OXNAD1: variants seen among roughly 807,000 people sequenced by gnomAD.
OXNAD1 encodes oxidoreductase NAD-binding domain-containing protein 1.
Under a neutral mutation model 32.9 loss-of-function variants are expected in OXNAD1, and 34 were observed. The observed-to-expected ratio is 1.03, with a 90% CI of 0.79 to 1.38. The LOEUF (loss-of-function observed/expected upper bound fraction) is 1.38, where lower values mean the gene tolerates loss of function less well. Among genes scored for constraint, OXNAD1 ranks in the 40% most tolerant of loss-of-function variants. The pLI, the probability that OXNAD1 is intolerant of heterozygous loss-of-function variation, is 0.00. For missense variants in OXNAD1, 407 were observed against 379.4 expected (o/e 1.07, Z -0.60); for synonymous variants, 134 against 135.2 (o/e 0.99, Z 0.06).
intron 9 of OXNAD1, among the ~76,000 whole-genome samples, chr3:16,319,053 C>T (rs910772026): frequency 2.0e-5 from 3 of 152,162 alleles, no homozygotes; most frequent in Admixed American, 6.5e-5. Flanking sequence ...TTCCAGGCAC[C>T]GTGTTATGGT....
chr3:16,282,907 G>C (rs1347646387), intron 4 of OXNAD1, among the ~76,000 whole-genome samples: 1 of 143,260 alleles, frequency 7.0e-6, no homozygotes, highest in Non-Finnish European at 1.5e-5. Flanking sequence ...AGTGAGGTTG[G>C]AACATTAGGA....
At chr3:16,313,204 G>GTTTTTTTTTTTTTTTT (rs2068092292) in intron 9 of OXNAD1, among the ~76,000 whole-genome samples, 3 of 96,172 alleles carry the variant, frequency 3.1e-5, no homozygotes, top group East Asian at 2.5e-4. Flanking sequence ...ACACCCAGCG[G>GTTTTTTTTTTTTTTTT]ATTTTTTTTT....
downstream of OXNAD1, chr3:16,339,973 T>C (rs1468858215): frequency 6.6e-6 from 1 of 152,202 alleles, no homozygotes; most frequent in Non-Finnish European, 1.5e-5. Flanking sequence ...CCACCAAAAA[T>C]GTGAATTAAT....
chr3:16,334,784 G>C lies in OXNAD1; in HGVS notation c.*31-2328G>C, dbSNP rs2070688576. On this transcript the variant is annotated intron_variant, in intron 9 of 9. Transcript: ENST00000435829. This position sits in a 1 kb window ranked among gnomAD's most constrained non-coding sequence, Gnocchi z 4.3. ...AAAATGTTCCCTTCGCATGGTAAAG[G>C]GATGTGGCAGATATGATTAAGCTAA... 6.6e-6 allele frequency among the ~76,000 whole-genome samples: 1 copy of C among 152,214 alleles called. No individual in the cohort carries two copies. The highest frequency in any genetic ancestry group is 2.1e-4 in the South Asian group (1 of 4,830).
In OXNAD1 at chr3:16,265,948, CA is replaced by C; in HGVS notation, c.-159+444del. The C allele has an allele frequency of 1.0e-6, 1 of 963,940 alleles. No homozygotes were observed. Among genetic ancestry groups the C allele is most frequent in the Non-Finnish European group, 1.2e-6 (1 of 810,440 alleles). 59.7% of individuals were successfully genotyped at this position (963,940 alleles called of 1,614,324 possible). On this transcript the variant is annotated intron_variant, in intron 1 of 8. Coordinates refer to ENST00000285083, the MANE Select transcript of OXNAD1 (RefSeq NM_138381.5). This position sits in a 1 kb window ranked among gnomAD's most constrained non-coding sequence, Gnocchi z 4.8. ...CCTATGTATGCCTTGAAGCGAAATG[CA>C]GATAAAAGGCATTTTTGTCTTGAAA...
chr3:16,272,194 G>A (rs1403532492), intron 4 of OXNAD1: 1 of 451,922 alleles, frequency 2.2e-6, no homozygotes, highest in Admixed American at 2.4e-5. Flanking sequence ...AGAAAGGAAA[G>A]TGGACGAGCT....
In OXNAD1 at chr3:16,271,338, G is replaced by A. The variant is rs141845310; in HGVS notation, c.119+267G>A. 8.3e-4 allele frequency: 439 copies of A among 531,852 alleles called. 3 individuals carry two copies. The highest frequency in any genetic ancestry group is 7.4e-3 in the African/African-American group (382 of 51,504). The allele number at this position is 531,852 out of a possible 1,614,324, so 32.9% of individuals were successfully genotyped here. A position where few individuals can be genotyped will look rare whatever the true frequency, so the allele number is the denominator to read the frequency against. On this transcript the variant is annotated intron_variant, in intron 3 of 8. Coordinates refer to ENST00000285083, the MANE Select transcript of OXNAD1 (RefSeq NM_138381.5). This position sits in a 1 kb window ranked among gnomAD's most constrained non-coding sequence, Gnocchi z 4.6. ...CCTGTCTTAGCCTCCCGAGTAGCTG[G>A]GATTACAGGCGTGCACCACCACACC...
chr3:16,282,753 CAA>C (rs936461080), intron 4 of OXNAD1, among the ~76,000 whole-genome samples: 13 of 142,242 alleles, frequency 9.1e-5, no homozygotes, highest in African/African-American at 3.4e-4. Context: ...CCAGTTTGGC[CAA>C]AAAACCACAA....
intron 5 of OXNAD1, among the ~76,000 whole-genome samples, chr3:16,292,759 G>A (rs1214915520): frequency 6.6e-6 from 1 of 152,186 alleles, no homozygotes; most frequent in Non-Finnish European, 1.5e-5. Flanking sequence ...AGTTCTCCCA[G>A]TGCCACTGTT....
At chr3:16,339,097 C>T (rs1278498139), downstream of OXNAD1, among the ~76,000 whole-genome samples, 2 of 152,232 alleles carry the variant, frequency 1.3e-5, no homozygotes, top group African/African-American at 2.4e-5. Flanking sequence ...TGGGCTGTCA[C>T]AGTCTTGACT....
chr3:16,341,800 CAG>C (rs1385893187), downstream of OXNAD1, among the ~76,000 whole-genome samples: 13 of 152,204 alleles, frequency 8.5e-5, 1 homozygote, highest in East Asian at 2.3e-3. This position sits in a 1 kb window ranked among gnomAD's most constrained non-coding sequence, Gnocchi z 4.7. Flanking sequence ...AGCCTAATAA[CAG>C]AAACATTTTC....
chr3:16,272,371 G>C (rs842260), intron 4 of OXNAD1: 2 of 227,624 alleles, frequency 8.8e-6, no homozygotes, highest in Middle Eastern at 5.1e-4. Context: ...ATTTGATTTT[G>C]CTTTTTTGAA....
At position 16,320,110 on chromosome 3, in the gene OXNAD1, A is replaced by G. The variant is rs191140901; in HGVS notation, c.*30+16518A>G. Among the ~76,000 whole-genome samples, 677 of 152,384 alleles carry G rather than the reference A, an allele frequency of 4.4e-3. 2 individuals are homozygous for G. The highest frequency in any genetic ancestry group is 0.015 in the African/African-American group (636 of 41,592). On this transcript the variant is annotated intron_variant, in intron 9 of 9. Coordinates refer to the OXNAD1 transcript ENST00000435829. The surrounding 1 kb of genome is among the most constrained non-coding windows in gnomAD (Gnocchi z 4.5). ...CAGTGTGTGTCCAGAGTTCCATGTC[A>G]GCAGGAGCCAATGGATTTAATTTGC...
At chr3:16,338,551 A>T (rs1015235344), downstream of OXNAD1, among the ~76,000 whole-genome samples, 23 of 152,248 alleles carry the variant, frequency 1.5e-4, no homozygotes, top group African/African-American at 4.8e-4. The surrounding 1 kb of genome is among the most constrained non-coding windows in gnomAD (Gnocchi z 5.3). Context: ...AGGCCAACTT[A>T]GAAATAGCTT....
chr3:16,347,291 T>G lies in OXNAD1; in HGVS notation c.*31-1885T>G, dbSNP rs892523152. The stretch of plus-strand genomic sequence containing the variant: ...TGGAGAGACGTCCATGCATGTTATA[T>G]CCATTTTCTAGGGGGGGCTATAACA... On this transcript the variant is annotated intron_variant, in intron 9 of 9. Coordinates refer to the OXNAD1 transcript ENST00000606098. Among the ~76,000 whole-genome samples, 5 of 152,328 alleles carry G rather than the reference T, an allele frequency of 3.3e-5. No individual in the cohort carries two copies. In the South Asian group the frequency reaches 1.0e-3, roughly 32 times the overall value.
chr3:16,278,139 G>A (rs2065478251), intron 4 of OXNAD1, among the ~76,000 whole-genome samples: 1 of 152,102 alleles, frequency 6.6e-6, no homozygotes, highest in African/African-American at 2.4e-5. Flanking sequence ...TGTTCATTTG[G>A]AAATGTGCCA....
Position 16,321,488 on chromosome 3 carries a change from G to C in OXNAD1, c.*31-15624G>C, listed in dbSNP as rs964665232. Among the ~76,000 whole-genome samples, 1 of 152,172 alleles carries C rather than the reference G, an allele frequency of 6.6e-6. No individual in the cohort carries two copies. The highest frequency in any genetic ancestry group is 2.4e-5 in the African/African-American group (1 of 41,424). On this transcript the variant is annotated intron_variant, in intron 9 of 9. Transcript: ENST00000435829. The surrounding 1 kb of genome is among the most constrained non-coding windows in gnomAD (Gnocchi z 4.8). ...ATGGAGTGACTCTCGGTCACCAGGG[G>C]ACACAGGCCTGTGGGAGTAGGACGC...
chr3:16,276,374 A>G (rs2065320998), intron 4 of OXNAD1: 1 of 192,526 alleles, frequency 5.2e-6, no homozygotes, highest in Non-Finnish European at 1.1e-5. Flanking sequence ...CTTTTACTTG[A>G]TTGTCTTCAG....
At position 16,304,446 on chromosome 3, in the gene OXNAD1, T is replaced by C. The variant is rs1003428382; in HGVS notation, c.*884T>C. On this transcript the variant is annotated 3_prime_UTR_variant, in exon 9 of 9. Transcript: ENST00000285083. This position sits in a 1 kb window ranked among gnomAD's most constrained non-coding sequence, Gnocchi z 4.6. ...TTGGCACCAGCAGCTCCTTAACATA[T>C]AGTTGTTGAATGACTGAAAGAAAGC... 1 of 152,242 alleles carries C rather than the reference T, an allele frequency of 6.6e-6. No homozygotes were observed. The highest frequency in any genetic ancestry group is 2.4e-5 in the African/African-American group (1 of 41,466). 9.4% of individuals were successfully genotyped at this position (152,242 alleles called of 1,614,324 possible).
Sources: allele counts gnomAD v4.1 joint callset (sites outside exome capture counted in the v4.1 genomes callset), GRCh38; gene constraint gnomAD v4.1.1; non-coding constraint Gnocchi (gnomAD v3.1); transcripts MANE v1.5; gene names NCBI Gene and HGNC (gene_info 2026-07-23, HGNC 2026-07-21).